The following MYOM3 variants were observed in gnomAD, a reference collection of about 807,000 sequenced individuals.
MYOM3 encodes the protein myomesin-3.
MYOM3 carries 155 observed loss-of-function variants against 191.7 expected under a neutral mutation model. The observed-to-expected ratio is 0.81, with a 90% CI of 0.71 to 0.92. The LOEUF (loss-of-function observed/expected upper bound fraction) is 0.92. Among genes scored for constraint, MYOM3 ranks in the 40% least tolerant of loss-of-function variants. MYOM3 has a pLI of 0.00. For synonymous variants in MYOM3, 757 were observed against 762.9 expected (o/e 0.99, Z 0.13); for missense variants, 1,889 against 1,890.6 (o/e 1.00, Z 0.02).
At chr1:24,069,004 G>A (rs1643490630) in intron 25 of MYOM3, among the ~76,000 whole-genome samples, 1 of 152,030 alleles carries the variant, frequency 6.6e-6, no homozygotes, top group Non-Finnish European at 1.5e-5. Context: ...GATTACAGTC[G>A]TGAGCCATTG....
intron 5 of MYOM3, 138 bp from the exon 6 acceptor site, chr1:24,099,913 G>A (rs1190848403): frequency 3.0e-6 from 2 of 657,626 alleles, no homozygotes; most frequent in Non-Finnish European, 5.5e-6. Flanking sequence ...TGTCACCCAG[G>A]CTGGAGCGCA....
chr1:24,101,892 C>T (rs1213594989), intron 5 of MYOM3, among the ~76,000 whole-genome samples: 1 of 152,120 alleles, frequency 6.6e-6, no homozygotes, highest in Non-Finnish European at 1.5e-5. Context: ...AGTGGGGTGG[C>T]CTGGGGTCCT....
chr1:24,057,747 T>G lies in MYOM3; in HGVS notation c.4051-120A>C, dbSNP rs149749319. ...GCTCCCTGTGATAATTTAGTACATGTGTTTTATTATAATTTATAAAGGGGA... is the reference window on the plus strand; with the variant it reads ...GCTCCCTGTGATAATTTAGTACATGGGTTTTATTATAATTTATAAAGGGGA... On this transcript the variant is annotated intron_variant, in intron 36 of 36. Transcript: ENST00000374434. 1,654 of 728,902 alleles carry G rather than the reference T, an allele frequency of 2.3e-3. 21 individuals are homozygous for G. The East Asian group carries it at 0.031, about 13-fold the overall frequency. 45.2% of individuals were successfully genotyped at this position (728,902 alleles called of 1,614,324 possible). A position where few individuals can be genotyped will look rare whatever the true frequency, so the allele number is the denominator to read the frequency against.
Position 24,094,921 on chromosome 1 carries a change from G to T in MYOM3, c.860C>A (p.Pro287His), listed in dbSNP as rs199598652. Residue 287 changes from proline to histidine, a missense_variant, in exon 9 of 37, where the codon CCC becomes CAC. Pro to His is a moderately conservative substitution (Grantham distance 77). Coordinates refer to ENST00000374434, the MANE Select transcript of MYOM3 (RefSeq NM_152372.4). ...CGAAAACAAGCATGACAGGGAGAAG[G>T]GTTCCTTCTCACGAGCAAAGACTGG... The part of the protein sequence containing the change: ...LKPVFAREKE[P>H]FSLSCLFSED... The T allele has an allele frequency of 1.9e-6, 3 of 1,614,056 alleles. No individual in the cohort carries two copies. In the South Asian group the frequency reaches 3.3e-5, roughly 18 times the overall value.
intron 17 of MYOM3, 178 bp downstream of exon 17, chr1:24,082,415 T>C: frequency 9.7e-7 from 1 of 1,025,854 alleles, no homozygotes; most frequent in Non-Finnish European, 1.4e-6. Flanking sequence ...TCCCATGGCC[T>C]CAAGCCATGG....
chr1:24,080,434 C>T (rs1014954653), intron 19 of MYOM3, among the ~76,000 whole-genome samples: 5 of 152,150 alleles, frequency 3.3e-5, no homozygotes, highest in South Asian at 2.1e-4. Context: ...CCCCTCCTCC[C>T]GGTAGCTTCC....
intron 21 of MYOM3, among the ~76,000 whole-genome samples, chr1:24,075,745 G>C (rs370803679): frequency 6.6e-6 from 1 of 152,026 alleles, no homozygotes; most frequent in South Asian, 2.1e-4. Context: ...ATCTTAAATC[G>C]CTTTCCTCAT....
chr1:24,111,632 G>A lies in MYOM3; in HGVS notation c.-19+399C>T, dbSNP rs751718453. ...CCCTGCCTGTGGGGTTGGCCAAGCC[G>A]GGCTCAGCCAGCTCCGCTCTAAGTT... On this transcript the variant is annotated intron_variant, in intron 1 of 36. Transcript: ENST00000374434. The surrounding 1 kb of genome is among the most constrained non-coding windows in gnomAD (Gnocchi z 4.7). Among the ~76,000 whole-genome samples, 3 of 152,160 alleles carry A rather than the reference G, an allele frequency of 2.0e-5. No individual in the cohort carries two copies. The highest frequency in any genetic ancestry group is 2.9e-5 in the Non-Finnish European group (2 of 68,024).
At chr1:24,107,315 G>C (rs1356324509) in intron 3 of MYOM3, 83 bp from the exon 4 acceptor site, 1 of 1,263,330 alleles carries the variant, frequency 7.9e-7, no homozygotes, top group Non-Finnish European at 1.1e-6. Context: ...CCTGTGCCCA[G>C]CAGTGCCAGG....
intron 3 of MYOM3, 31 bp downstream of exon 3, chr1:24,107,962 C>G: frequency 6.3e-7 from 1 of 1,599,132 alleles, no homozygotes; most frequent in Non-Finnish European, 8.5e-7. Flanking sequence ...CCTCCTCAGC[C>G]ACGGCTCCCT....
At chr1:24,075,955 G>A (rs779459836) in intron 21 of MYOM3, among the ~76,000 whole-genome samples, 11 of 152,218 alleles carry the variant, frequency 7.2e-5, no homozygotes, top group African/African-American at 2.2e-4. Context: ...ATATACTAGC[G>A]TGTGACCTGG....
At chr1:24,105,784 A>G (rs1047683026) in intron 5 of MYOM3, 136 bp downstream of exon 5, 5 of 872,342 alleles carry the variant, frequency 5.7e-6, no homozygotes, top group East Asian at 2.7e-5. Flanking sequence ...GTTCCCCAGC[A>G]GCTGCTCTAT....
intron 14 of MYOM3, among the ~76,000 whole-genome samples, chr1:24,088,309 A>G (rs184340654): frequency 6.6e-6 from 1 of 152,244 alleles, no homozygotes; most frequent in Non-Finnish European, 1.5e-5. Flanking sequence ...GCCATAAGAA[A>G]CCATGAACAC....
Position 24,064,160 on chromosome 1 carries a change from C to A in MYOM3, c.3535-1G>T. 2 of 1,612,544 alleles carry A rather than the reference C, an allele frequency of 1.2e-6. No individual in the cohort carries two copies. The highest frequency in any genetic ancestry group is 1.7e-6 in the Non-Finnish European group (2 of 1,179,064). On this transcript the variant is annotated splice_acceptor_variant, in intron 29 of 36. Transcript: ENST00000374434. LOFTEE classifies it high-confidence loss of function. Reference sequence around the variant, plus strand: ...AAATTCCCTTGTCCTTTTTGGACAACTGGAAAGAAGGATGAGCGATGGTGG... The same window carrying A: ...AAATTCCCTTGTCCTTTTTGGACAAATGGAAAGAAGGATGAGCGATGGTGG...
chr1:24,106,160 C>A, intron 4 of MYOM3, 83 bp from the exon 5 acceptor site: 3 of 1,437,894 alleles, frequency 2.1e-6, no homozygotes, highest in South Asian at 2.8e-5. Flanking sequence ...CACTGACACC[C>A]AGACTCTGTA....
chr1:24,109,958 G>A (rs1644025099), intron 1 of MYOM3, among the ~76,000 whole-genome samples: 1 of 152,258 alleles, frequency 6.6e-6, no homozygotes, highest in Non-Finnish European at 1.5e-5. Context: ...ATGGCGCCCA[G>A]TGGGGCCGGA....
At chr1:24,073,861 TAA>T (rs55682709) in intron 23 of MYOM3, among the ~76,000 whole-genome samples, 31,348 of 80,010 alleles carry the variant, frequency 0.39, 4,255 homozygotes, top group East Asian at 0.44. Context: ...AGACTCCGTC[TAA>T]AAAAAAAAAA....
intron 8 of MYOM3, 88 bp downstream of exon 8, chr1:24,095,354 T>C: frequency 7.9e-7 from 1 of 1,264,068 alleles, no homozygotes; most frequent in Admixed American, 2.0e-5. Context: ...GGGCAGGGGA[T>C]GGCTATATTC....
chr1:24,100,251 C>T (rs1643902176), intron 5 of MYOM3, among the ~76,000 whole-genome samples: 1 of 152,166 alleles, frequency 6.6e-6, no homozygotes, highest in Admixed American at 6.5e-5. Flanking sequence ...TGTCCTGACT[C>T]GTGAAATGGC....
Sources: gnomAD v4.1 joint callset for allele counts (sites outside exome capture counted in the v4.1 genomes callset) on GRCh38, gnomAD v4.1.1 for gene constraint, Gnocchi (gnomAD v3.1) non-coding constraint, MANE v1.5 for transcripts, NCBI Gene and HGNC (gene_info 2026-07-23, HGNC 2026-07-21) for gene names.